ANK2: variants seen among roughly 807,000 people sequenced by gnomAD.
ANK2 encodes the protein ankyrin-2.
Under a neutral mutation model 360.5 loss-of-function variants are expected in ANK2, and 83 were observed. The observed-to-expected ratio is 0.23, with a 90% CI of 0.19 to 0.28. ANK2 has a LOEUF of 0.28. Among genes scored for constraint, ANK2 ranks in the 10% least tolerant of loss-of-function variants. The probability of loss-of-function intolerance (pLI) is 1.00; values close to 1 mark genes in which losing one functional copy is unlikely to be tolerated. For synonymous variants in ANK2, 1,740 were observed against 1,759.5 expected (o/e 0.99, Z 0.28); for missense variants, 4,201 against 4,795.7 (o/e 0.88, Z 3.66).
chr4:113,378,983 G>A (rs1483649892), intron 45 of ANK2, among the ~76,000 whole-genome samples: 1 of 152,102 alleles, frequency 6.6e-6, no homozygotes, highest in Non-Finnish European at 1.5e-5. Context: ...ATTGAAAAGG[G>A]AGAAAGATTG....
At chr4:113,375,885 G>A (rs1024877343) in intron 45 of ANK2, among the ~76,000 whole-genome samples, 3 of 152,164 alleles carry the variant, frequency 2.0e-5, no homozygotes, top group African/African-American at 7.2e-5. Context: ...ATGACATGAA[G>A]CTTTTTTATT....
chr4:113,359,644 G>T (rs1450272572), intron 38 of ANK2, among the ~76,000 whole-genome samples: 1 of 152,066 alleles, frequency 6.6e-6, no homozygotes. Flanking sequence ...AAGCACTTTT[G>T]CACATAAATA....
At chr4:113,041,945 C>T (rs1579791659) in intron 2 of ANK2, among the ~76,000 whole-genome samples, 1 of 152,136 alleles carries the variant, frequency 6.6e-6, no homozygotes, top group Non-Finnish European at 1.5e-5. Flanking sequence ...CGCTTATGAC[C>T]TAATTACCTA....
intron 11 of ANK2, among the ~76,000 whole-genome samples, chr4:113,256,713 A>C (rs1449782844): frequency 6.6e-6 from 1 of 152,206 alleles, no homozygotes; most frequent in Non-Finnish European, 1.5e-5. Context: ...GTGTCTGTTA[A>C]AATTGGTCTT....
chr4:112,821,166 C>G (rs373982205), intron 1 of ANK2, among the ~76,000 whole-genome samples: 1 of 152,130 alleles, frequency 6.6e-6, no homozygotes, highest in African/African-American at 2.4e-5. Flanking sequence ...CCGCCCGCCT[C>G]GGTCTCCCAA....
chr4:113,097,881 C>A (rs1355565919), intron 1 of ANK2, among the ~76,000 whole-genome samples: 2 of 114,768 alleles, frequency 1.7e-5, no homozygotes, highest in Non-Finnish European at 3.5e-5. Context: ...TATATGCACA[C>A]ACACACACAC....
At chr4:113,101,003 CAG>C (rs1355936760) in intron 1 of ANK2, among the ~76,000 whole-genome samples, 3 of 151,930 alleles carry the variant, frequency 2.0e-5, no homozygotes, top group Non-Finnish European at 4.4e-5. Context: ...AGATGAAGCA[CAG>C]GGAATTTTTA....
chr4:113,240,722 C>A, intron 8 of ANK2, 139 bp downstream of exon 8: 1 of 742,190 alleles, frequency 1.3e-6, no homozygotes, highest in Non-Finnish European at 2.2e-6. Flanking sequence ...CTAGATTTTT[C>A]ATTTCCTTTC....
At chr4:113,343,224 C>T (rs1326113197) in intron 34 of ANK2, 82 bp downstream of exon 34, 26 of 1,480,046 alleles carry the variant, frequency 1.8e-5, no homozygotes, top group South Asian at 6.0e-5. Flanking sequence ...AGAAAATTTT[C>T]GCTTTTCAGT....
At chr4:113,327,465 T>C (rs1235694790) in intron 26 of ANK2, among the ~76,000 whole-genome samples, 2 of 152,208 alleles carry the variant, frequency 1.3e-5, no homozygotes, top group Non-Finnish European at 2.9e-5. Flanking sequence ...AAGAATTAAA[T>C]TTCCTCCTAT....
chr4:112,851,333 C>T lies in ANK2; in HGVS notation c.-40+33069C>T. Among the ~76,000 whole-genome samples the T allele has an allele frequency of 2.0e-5, 3 of 152,302 alleles. No homozygotes were observed. In the Middle Eastern group the frequency reaches 0.01, roughly 518 times the overall value. ...AGCTTTTGCTCCCAAGTTCCCCAGT[C>T]AACCTCACGTGGGGAGGGGTGAGCG... On this transcript the variant is annotated intron_variant, in intron 1 of 30. Transcript: ENST00000503271.
intron 2 of ANK2, among the ~76,000 whole-genome samples, chr4:113,014,200 T>C (rs1245851269): frequency 6.6e-6 from 1 of 151,926 alleles, no homozygotes; most frequent in Non-Finnish European, 1.5e-5. Flanking sequence ...AAAGAGAAAA[T>C]ATTTGAAGGT....
At chr4:113,365,841 C>G (rs1424935734) in intron 41 of ANK2, among the ~76,000 whole-genome samples, 1 of 152,158 alleles carries the variant, frequency 6.6e-6, no homozygotes, top group African/African-American at 2.4e-5. Flanking sequence ...CACCACGAAT[C>G]TACCAACATG....
intron 17 of ANK2, among the ~76,000 whole-genome samples, chr4:113,281,981 A>G (rs143922749): frequency 6.6e-6 from 1 of 152,324 alleles, no homozygotes; most frequent in East Asian, 1.9e-4. Context: ...GACAGGGATC[A>G]TGTCATGTTC....
At chr4:112,993,615 C>T (rs2154280158) in intron 2 of ANK2, among the ~76,000 whole-genome samples, 1 of 151,660 alleles carries the variant, frequency 6.6e-6, no homozygotes, top group South Asian at 2.1e-4. Context: ...CAGTGTATAC[C>T]TTCTATATAT....
chr4:112,799,347 T>A, the ANK2 span, among the ~76,000 whole-genome samples: 1 of 152,190 alleles, frequency 6.6e-6, no homozygotes, highest in Non-Finnish European at 1.5e-5. Flanking sequence ...ATAAATGGAA[T>A]GGCTGGATCA....
Position 113,358,352 on chromosome 4 carries a change from C to G in ANK2, c.9734C>G (p.Pro3245Arg). 6.2e-7 allele frequency: 1 copy of G among 1,614,000 alleles called. No homozygotes were observed. The highest frequency in any genetic ancestry group is 2.2e-5 in the East Asian group (1 of 44,872). Residue 3245 changes from proline (P) to arginine (R), a missense_variant, in exon 38 of 46, where the codon CCC (proline) becomes CGC (arginine). Around this residue, in one of 4 missense-constraint regions of ANK2, gnomAD observed 2,642 missense variants for 2,714.5 expected, o/e 0.97. Coordinates refer to ENST00000357077, the MANE Select transcript of ANK2 (RefSeq NM_001148.6). ...TCTGGTGTAAAGCAGATATCCTGCC[C>G]CGACTCTTCTGAACCAGCTGTACAA... ...PLSGVKQISCPDSSEPAVQVQ... is the reference protein window; with the variant it reads ...PLSGVKQISCRDSSEPAVQVQ...
the ANK2 span, chr4:112,738,863 C>CAACA: frequency 1.8e-3 from 1,152 of 655,462 alleles, 10 homozygotes; most frequent in East Asian, 0.021. Context: ...GGAGCAACAA[C>CAACA]AACAAACAAA....
chr4:113,199,167 A>C, intron 4 of ANK2, 58 bp downstream of exon 4: 1 of 1,348,458 alleles, frequency 7.4e-7, no homozygotes, highest in Non-Finnish European at 1.1e-6. Context: ...AGTTTTGTGA[A>C]ATTGATTTAA....
Sources: gnomAD v4.1 joint callset for allele counts (sites outside exome capture counted in the v4.1 genomes callset) on GRCh38, gnomAD v4.1.1 for gene constraint, gnomAD v4.1.1 regional missense constraint, MANE v1.5 for transcripts, NCBI Gene and HGNC (gene_info 2026-07-23, HGNC 2026-07-21) for gene names.